USP31: variants seen among roughly 807,000 people sequenced by gnomAD.
USP31 encodes the protein ubiquitin specific peptidase 31, also known as ubiquitin carboxyl-terminal hydrolase 31.
USP31 carries 44 observed loss-of-function variants against 119.4 expected under a neutral mutation model. The observed-to-expected ratio is 0.37, with a 90% CI of 0.29 to 0.47. The LOEUF (loss-of-function observed/expected upper bound fraction) is 0.47. Among genes scored for constraint, USP31 ranks in the 20% least tolerant of loss-of-function variants. The probability of loss-of-function intolerance (pLI) is 0.99; values close to 1 mark genes in which losing one functional copy is unlikely to be tolerated. For synonymous variants in USP31, 749 were observed against 705.6 expected (o/e 1.06, Z -0.97); for missense variants, 1,643 against 1,730.2 (o/e 0.95, Z 0.89).
chr16:23,146,047 T>C (rs1340007622), intron 1 of USP31, among the ~76,000 whole-genome samples: 1 of 152,100 alleles, frequency 6.6e-6, no homozygotes, highest in Admixed American at 6.6e-5. Flanking sequence ...CACAGCTTAA[T>C]GGATAAAAAA....
chr16:23,078,713 C>T (rs1056057759), intron 13 of USP31, among the ~76,000 whole-genome samples: 1 of 152,106 alleles, frequency 6.6e-6, no homozygotes, highest in Non-Finnish European at 1.5e-5. Flanking sequence ...GTGATAGAGC[C>T]CAGGGCAAGC....
At chr16:23,138,305 CAT>C (rs1175628361) in intron 1 of USP31, among the ~76,000 whole-genome samples, 1 of 152,124 alleles carries the variant, frequency 6.6e-6, no homozygotes, top group Non-Finnish European at 1.5e-5. Context: ...ACAAATAAAA[CAT>C]GTCTAAAATA....
At chr16:23,145,299 C>T (rs1189747393) in intron 1 of USP31, among the ~76,000 whole-genome samples, 2 of 152,194 alleles carry the variant, frequency 1.3e-5, no homozygotes, top group East Asian at 3.8e-4. Flanking sequence ...TCCAGCTCTA[C>T]CGAATCTCAA....
Position 23,149,316 on chromosome 16 carries a change from G to A in USP31, c.-46C>T. The stretch of plus-strand genomic sequence containing the variant: ...ATCACCGCGCCCGCCCGCCCGGCCC[G>A]CGGCCCCGCCACGGCCGCCGCCGCA... On this transcript the variant is annotated 5_prime_UTR_variant, in exon 1 of 16. Transcript: ENST00000219689. The A allele has an allele frequency of 2.0e-6, 2 of 1,021,896 alleles. No individual in the cohort carries two copies. The highest frequency in any genetic ancestry group is 1.2e-6 in the Non-Finnish European group (1 of 855,916). 63.3% of individuals were successfully genotyped at this position (1,021,896 alleles called of 1,614,324 possible). A position where few individuals can be genotyped will look rare whatever the true frequency, so the allele number is the denominator to read the frequency against.
intron 1 of USP31, among the ~76,000 whole-genome samples, chr16:23,136,575 GC>G (rs986835351): frequency 6.6e-6 from 1 of 151,746 alleles, no homozygotes; most frequent in Non-Finnish European, 1.5e-5. Context: ...AATTGCTTGA[GC>G]CCAGGAGCCG....
chr16:23,081,816 C>T (rs1186436447), intron 12 of USP31, among the ~76,000 whole-genome samples: 2 of 152,214 alleles, frequency 1.3e-5, no homozygotes, highest in Non-Finnish European at 2.9e-5. Flanking sequence ...GGGCTTTGCA[C>T]ACACTGCTCT....
chr16:23,065,774 G>C lies in USP31; in HGVS notation c.*2272C>G, dbSNP rs1900041972. The C allele has an allele frequency of 6.6e-6, 1 of 151,870 alleles. No individual in the cohort carries two copies. Among genetic ancestry groups the C allele is most frequent in the Admixed American group, 6.6e-5 (1 of 15,242 alleles). The allele number at this position is 151,870 out of a possible 1,614,324, so 9.4% of individuals were successfully genotyped here. A position where few individuals can be genotyped will look rare whatever the true frequency, so the allele number is the denominator to read the frequency against. On this transcript the variant is annotated 3_prime_UTR_variant, in exon 16 of 16. Coordinates refer to ENST00000219689, the MANE Select transcript of USP31 (RefSeq NM_020718.4). ...CTCAAGAATAAAAATATTTACCACT[G>C]TGAAAATTAAACTAGTTTCTATTAA... is the stretch of plus-strand genomic sequence containing the variant.
intron 6 of USP31, among the ~76,000 whole-genome samples, chr16:23,094,492 A>G (rs548746370): frequency 1.3e-5 from 2 of 152,324 alleles, no homozygotes; most frequent in African/African-American, 4.8e-5. Context: ...TGAAGAGAGC[A>G]GTGGTTCTCC....
chr16:23,090,530 A>G (rs1238842856), intron 7 of USP31, 94 bp downstream of exon 7: 24 of 1,292,480 alleles, frequency 1.9e-5, no homozygotes, highest in Non-Finnish European at 2.2e-5. Flanking sequence ...TTAACTACTA[A>G]AAGTAAGAAC....
rs755143839 is a variant in USP31 at position 23,072,094 on chromosome 16, C to A, written c.2439G>T (p.Ala813=). The A allele has an allele frequency of 6.2e-7, 1 of 1,613,788 alleles. No homozygotes were observed. The highest frequency in any genetic ancestry group is 8.5e-7 in the Non-Finnish European group (1 of 1,180,004). ...TCATCTCCACGGACTCAGAGAGCGACGCCAGGGAGGTGCGTCTGGAGGAAG... is the reference window on the plus strand; with the variant it reads ...TCATCTCCACGGACTCAGAGAGCGAAGCCAGGGAGGTGCGTCTGGAGGAAG... ...SAASSRRTSL[A]SLSESVEMTG... The change falls in exon 15 of 16, where the codon GCG becomes GCT. Residue 813 remains alanine, a synonymous_variant. Coordinates refer to ENST00000219689, the MANE Select transcript of USP31 (RefSeq NM_020718.4).
intron 6 of USP31, 94 bp from the exon 7 acceptor site, chr16:23,090,898 T>A (rs1009380366): frequency 9.5e-5 from 113 of 1,191,590 alleles, no homozygotes; most frequent in African/African-American, 1.7e-4. Flanking sequence ...AAATTTTTTT[T>A]AAAAATGTCA....
intron 1 of USP31, among the ~76,000 whole-genome samples, chr16:23,126,154 A>T (rs1387151613): frequency 6.6e-6 from 1 of 151,630 alleles, no homozygotes. Context: ...TGTCTCTACA[A>T]GAAAAAAAAA....
intron 1 of USP31, among the ~76,000 whole-genome samples, chr16:23,144,032 C>T (rs1903434540): frequency 6.6e-6 from 1 of 152,148 alleles, no homozygotes; most frequent in African/African-American, 2.4e-5. Context: ...CAAGGTTGAG[C>T]TAGTCAACTC....
intron 10 of USP31, 67 bp from the exon 11 acceptor site, chr16:23,085,056 G>C: frequency 6.3e-7 from 1 of 1,581,204 alleles, no homozygotes; most frequent in Admixed American, 1.7e-5. Flanking sequence ...ATACAATTAT[G>C]GCTTCATGAA....
rs182583793 is a variant in USP31, at chr16:23,095,763, G to A, written c.1235-4959C>T. 3.2e-4 allele frequency among the ~76,000 whole-genome samples: 48 copies of A among 152,270 alleles called. No homozygotes were observed. The East Asian group carries it at 8.1e-3, about 26-fold the overall frequency. On this transcript the variant is annotated intron_variant, in intron 6 of 15. Coordinates refer to ENST00000219689, the MANE Select transcript of USP31 (RefSeq NM_020718.4). ...GCCAAACTAAGCTTCATAAGTGAAG[G>A]AGAAATAAAATCCTTTACAGACAAG...
At chr16:23,126,322 A>T (rs1902852241) in intron 1 of USP31, among the ~76,000 whole-genome samples, 1 of 133,502 alleles carries the variant, frequency 7.5e-6, no homozygotes, top group African/African-American at 2.9e-5. Flanking sequence ...TGTCTCTTTA[A>T]AAAAAAAAAA....
chr16:23,070,211 C>A (rs1015209626), intron 15 of USP31, among the ~76,000 whole-genome samples: 9 of 152,110 alleles, frequency 5.9e-5, no homozygotes, highest in African/African-American at 1.9e-4. Context: ...TGATCTGGGG[C>A]TCACAGAAAT....
chr16:23,076,066 C>T (rs985929717), intron 13 of USP31, among the ~76,000 whole-genome samples: 2 of 152,034 alleles, frequency 1.3e-5, no homozygotes, highest in Non-Finnish European at 2.9e-5. Flanking sequence ...GCCTGGGTGA[C>T]AAAGTGAGAC....
rs1368165142 is a variant in USP31 at position 23,149,312 on chromosome 16, G to C, written c.-42C>G. The C allele has an allele frequency of 2.9e-6, 3 of 1,026,708 alleles. No homozygotes were observed. The highest frequency in any genetic ancestry group is 2.3e-6 in the Non-Finnish European group (2 of 858,768). The allele number at this position is 1,026,708 out of a possible 1,614,324, so 63.6% of individuals were successfully genotyped here. On this transcript the variant is annotated 5_prime_UTR_variant, in exon 1 of 16. Coordinates refer to ENST00000219689, the MANE Select transcript of USP31 (RefSeq NM_020718.4). ...ACTCATCACCGCGCCCGCCCGCCCG[G>C]CCCGCGGCCCCGCCACGGCCGCCGC...
Sources: allele counts gnomAD v4.1 joint callset (sites outside exome capture counted in the v4.1 genomes callset), GRCh38; gene constraint gnomAD v4.1.1; transcripts MANE v1.5; gene names NCBI Gene and HGNC (gene_info 2026-07-23, HGNC 2026-07-21).